The following TAF3 variants were observed in gnomAD, a reference collection of about 807,000 sequenced individuals.
TAF3 encodes TATA-box binding protein associated factor 3, also known as transcription initiation factor TFIID subunit 3.
Under a neutral mutation model 80.6 loss-of-function variants are expected in TAF3, and 7 were observed. The ratio of observed to expected loss-of-function variants is 0.09; its 90% CI spans 0.05 to 0.16. TAF3 has a LOEUF of 0.16. TAF3 is among the 10% of genes least tolerant of loss of function. The pLI is 1.00. For missense variants in TAF3, 921 were observed against 1,140.2 expected (o/e 0.81, Z 2.77); for synonymous variants, 444 against 446.1 (o/e 1.00, Z 0.06).
intron 2 of TAF3, among the ~76,000 whole-genome samples, chr10:7,924,479 A>G (rs1328810931): frequency 1.3e-5 from 2 of 152,184 alleles, no homozygotes; most frequent in African/African-American, 4.8e-5. Flanking sequence ...GGATCTGCCT[A>G]TCAAATAATA....
intron 2 of TAF3, among the ~76,000 whole-genome samples, chr10:7,918,093 G>C (rs955583998): frequency 5.3e-5 from 8 of 152,334 alleles, no homozygotes; most frequent in Non-Finnish European, 1.2e-4. Context: ...TTAGTGTGGG[G>C]ATAAGTGGAA....
At chr10:7,875,612 T>C (rs1837306044) in intron 2 of TAF3, among the ~76,000 whole-genome samples, 1 of 152,160 alleles carries the variant, frequency 6.6e-6, no homozygotes. Context: ...CTGCCTCTTT[T>C]CAAAAGTTAT....
intron 2 of TAF3, among the ~76,000 whole-genome samples, chr10:7,877,562 A>C (rs562836100): frequency 1.3e-5 from 2 of 152,314 alleles, no homozygotes; most frequent in South Asian, 4.1e-4. Context: ...AGAATATGGC[A>C]TTTATTGTTA....
chr10:7,988,565 C>T (rs910022855), intron 4 of TAF3, among the ~76,000 whole-genome samples: 1 of 83,426 alleles, frequency 1.2e-5, no homozygotes, highest in South Asian at 3.6e-4. Context: ...AGAGTGAGAC[C>T]CTGTCTCAAA....
chr10:7,869,972 C>T (rs529388610), intron 2 of TAF3, among the ~76,000 whole-genome samples: 28 of 152,306 alleles, frequency 1.8e-4, no homozygotes, highest in East Asian at 5.8e-4. Context: ...GAACTACTTT[C>T]GACCCCAAGT....
intron 2 of TAF3, among the ~76,000 whole-genome samples, chr10:7,949,871 C>G (rs1838064846): frequency 6.6e-6 from 1 of 152,186 alleles, no homozygotes; most frequent in Non-Finnish European, 1.5e-5. Context: ...GTCAAGTTCA[C>G]CCATCGGCAG....
Position 8,014,596 on chromosome 10 carries a change from C to A in TAF3, c.2676-41C>A, listed in dbSNP as rs562652942. The A allele has an allele frequency of 8.4e-4, 1,283 of 1,530,220 alleles. 20 individuals are homozygous for A. The South Asian group carries it at 0.014, about 17-fold the overall frequency. 94.8% of individuals were successfully genotyped at this position (1,530,220 alleles called of 1,614,324 possible). ...ACATGGAAGGGAGAAGAATAGATGTCTGTATAAAAGTTGCTTATCTGAGCT... is the reference window on the plus strand; with the variant it reads ...ACATGGAAGGGAGAAGAATAGATGTATGTATAAAAGTTGCTTATCTGAGCT... On this transcript the variant is annotated intron_variant, in intron 6 of 6. Transcript: ENST00000344293.
intron 2 of TAF3, among the ~76,000 whole-genome samples, chr10:7,920,204 T>G (rs1837749063): frequency 6.6e-6 from 1 of 152,114 alleles, no homozygotes; most frequent in South Asian, 2.1e-4. Context: ...AAGTGAGATG[T>G]GATCACACCA....
Position 7,963,947 on chromosome 10 carries a change from A to T in TAF3, c.437A>T (p.Asp146Val). The change falls in exon 3 of 7, where the codon GAT becomes GTT. Residue 146 changes from aspartate (D) to valine (V), a missense_variant. Transcript: ENST00000344293. ...EEEEEEQVPT[D>V]GGTSAEAMQV... ...GAAGAAGAAGAGCAGGTGCCCACTGATGGAGGCACATCAGCAGAAGCCATG... is the reference window on the plus strand; with the variant it reads ...GAAGAAGAAGAGCAGGTGCCCACTGTTGGAGGCACATCAGCAGAAGCCATG... 2 of 1,608,090 alleles carry T rather than the reference A, an allele frequency of 1.2e-6. No individual in the cohort carries two copies. The highest frequency in any genetic ancestry group is 1.7e-6 in the Non-Finnish European group (2 of 1,177,490).
chr10:7,858,154 C>A (rs938768468), intron 2 of TAF3, among the ~76,000 whole-genome samples: 3 of 152,016 alleles, frequency 2.0e-5, no homozygotes, highest in Non-Finnish European at 4.4e-5. Context: ...GGATGTAGTT[C>A]AAAATATATA....
At chr10:7,900,731 G>A (rs1039301521) in intron 2 of TAF3, among the ~76,000 whole-genome samples, 9 of 152,124 alleles carry the variant, frequency 5.9e-5, no homozygotes, top group Non-Finnish European at 1.3e-4. Flanking sequence ...TTTGGGGGGA[G>A]GTTACATAAG....
intron 3 of TAF3, among the ~76,000 whole-genome samples, chr10:7,974,841 C>T (rs536213556): frequency 8.4e-4 from 128 of 152,052 alleles, no homozygotes; most frequent in Non-Finnish European, 1.3e-3. Context: ...TTTGGGAGGT[C>T]GAGGCGGGCG....
chr10:7,855,182 G>C (rs954448545), intron 2 of TAF3, among the ~76,000 whole-genome samples: 6 of 152,186 alleles, frequency 3.9e-5, no homozygotes, highest in Non-Finnish European at 5.9e-5. Context: ...GACCCATCCA[G>C]AGCCCCAGGC....
At chr10:7,939,620 A>G (rs915487769) in intron 2 of TAF3, among the ~76,000 whole-genome samples, 1 of 141,814 alleles carries the variant, frequency 7.1e-6, no homozygotes, top group Non-Finnish European at 1.6e-5. Context: ...ACACACACAC[A>G]CCTCTACCTA....
At chr10:8,010,123 T>C (rs1588350252) in intron 5 of TAF3, among the ~76,000 whole-genome samples, 1 of 152,270 alleles carries the variant, frequency 6.6e-6, no homozygotes, top group Non-Finnish European at 1.5e-5. Context: ...CCCAGGCTGG[T>C]CTTGAGCTCC....
At chr10:7,974,214 G>A (rs1401668749) in intron 3 of TAF3, among the ~76,000 whole-genome samples, 1 of 151,578 alleles carries the variant, frequency 6.6e-6, no homozygotes, top group African/African-American at 2.4e-5. Context: ...TTATGCAAGG[G>A]TCTTGCTCCA....
intron 4 of TAF3, among the ~76,000 whole-genome samples, chr10:7,978,559 C>T (rs1282937071): frequency 6.6e-6 from 1 of 152,102 alleles, no homozygotes; most frequent in East Asian, 1.9e-4. Context: ...AGCAAAAATC[C>T]TGTGGATTCA....
At chr10:7,965,845 C>T in intron 3 of TAF3, 103 bp downstream of exon 3, 1 of 1,374,872 alleles carries the variant, frequency 7.3e-7, no homozygotes, top group Non-Finnish European at 9.4e-7. Flanking sequence ...GTAAATCACC[C>T]ATCACTTAAG....
At chr10:7,900,434 G>A (rs993287807) in intron 2 of TAF3, among the ~76,000 whole-genome samples, 2 of 152,184 alleles carry the variant, frequency 1.3e-5, no homozygotes, top group Non-Finnish European at 2.9e-5. Flanking sequence ...ATGGGTGACA[G>A]CTTTGTACAT....
Sources: allele counts gnomAD v4.1 joint callset (sites outside exome capture counted in the v4.1 genomes callset), GRCh38; gene constraint gnomAD v4.1.1; transcripts MANE v1.5; gene names NCBI Gene and HGNC (gene_info 2026-07-23, HGNC 2026-07-21).